The following CABYR variants were observed in gnomAD, a reference collection of about 807,000 sequenced individuals.
CABYR encodes the protein calcium-binding tyrosine phosphorylation-regulated protein.
Under a neutral mutation model 36.1 loss-of-function variants are expected in CABYR, and 31 were observed. The ratio of observed to expected loss-of-function variants is 0.86; its 90% CI spans 0.64 to 1.16. The LOEUF (loss-of-function observed/expected upper bound fraction) is 1.16. CABYR is among the 50% of genes most tolerant of loss of function. CABYR has a pLI of 0.00. For synonymous variants in CABYR, 146 were observed against 160.7 expected, an observed-to-expected ratio of 0.91 and a Z score of 0.69; for missense variants, 429 against 455.8, an observed-to-expected ratio of 0.94 and a Z score of 0.53.
chr18:24,150,612 C>T, intron 3 of CABYR: 1 of 974,584 alleles, frequency 1.0e-6, no homozygotes, highest in Non-Finnish European at 1.2e-6. Flanking sequence ...GAAACTAAAC[C>T]ACCTACTTTA....
chr18:24,157,051 A>G (rs1158119071), intron 4 of CABYR: 3 of 1,393,852 alleles, frequency 2.2e-6, no homozygotes, highest in Non-Finnish European at 3.0e-6. Context: ...TGACATCTGT[A>G]TTTCAGGTAG....
At position 24,156,314 on chromosome 18, in the gene CABYR, T is replaced by A. The variant is rs150107485; in HGVS notation, c.541+272T>A. The A allele has an allele frequency of 2.0e-3, 3,253 of 1,614,218 alleles. 16 individuals are homozygous for A. The Middle Eastern group carries it at 0.024, about 12-fold the overall frequency. ...CCTTGCAGGATGAACAAGAACCTCC[T>A]GCTTATGATCAAGCTCCTGAGGTCA... On this transcript the variant is annotated intron_variant, in intron 4 of 5. Coordinates refer to ENST00000399496, the MANE Select transcript of CABYR (RefSeq NM_153769.3).
chr18:24,160,351 A>G (rs894846345), intron 5 of CABYR: 4 of 377,266 alleles, frequency 1.1e-5, no homozygotes, highest in African/African-American at 6.3e-5. Flanking sequence ...CCATTGTCTA[A>G]CAAACACAGT....
chr18:24,150,158 A>G (rs918986032), intron 3 of CABYR, among the ~76,000 whole-genome samples: 3 of 152,248 alleles, frequency 2.0e-5, no homozygotes, highest in Non-Finnish European at 4.4e-5. Flanking sequence ...AGAAGAGGGA[A>G]GGACAAAGCC....
At chr18:24,146,197 G>T (rs993743244) in intron 3 of CABYR, among the ~76,000 whole-genome samples, 1 of 152,152 alleles carries the variant, frequency 6.6e-6, no homozygotes, top group African/African-American at 2.4e-5. Flanking sequence ...ATTTTGAAAA[G>T]ATGGAAAATA....
intron 3 of CABYR, among the ~76,000 whole-genome samples, chr18:24,150,881 G>A (rs1487533444): frequency 2.0e-5 from 3 of 150,574 alleles, no homozygotes; most frequent in African/African-American, 7.3e-5. Context: ...CCGGGTTCAC[G>A]CCATTCTCCT....
Position 24,156,001 on chromosome 18 carries a change from ACGTCCCAG to A in CABYR, c.502_509del (p.Val168Ter). On this transcript the variant is annotated frameshift_variant, in exon 4 of 6. Coordinates refer to ENST00000399496, the MANE Select transcript of CABYR (RefSeq NM_153769.3). LOFTEE classifies it high-confidence loss of function. The stretch of plus-strand genomic sequence containing the variant: ...ACAGCTGTCTCACCAGAGTTTGCCT[ACGTCCCAG>A]CTGACCCAGCTCAGCTTGCTGCTCA... 1 of 1,614,208 alleles carries A rather than the reference ACGTCCCAG, an allele frequency of 6.2e-7. No individual in the cohort carries two copies. The highest frequency in any genetic ancestry group is 8.5e-7 in the Non-Finnish European group (1 of 1,180,034).
At chr18:24,156,880 A>G (rs750636638) in intron 4 of CABYR, 14 of 1,613,990 alleles carry the variant, frequency 8.7e-6, no homozygotes, top group Non-Finnish European at 1.2e-5. Flanking sequence ...GAAGCAGTGC[A>G]CTCAGGTACA....
chr18:24,161,395 C>CTAGT, intron 5 of CABYR, 121 bp from the exon 6 acceptor site: 1 of 632,836 alleles, frequency 1.6e-6, no homozygotes, highest in Non-Finnish European at 2.9e-6. Flanking sequence ...CCATAGGTAA[C>CTAGT]TAGTTAAGCT....
chr18:24,149,430 T>C (rs2085551242), intron 3 of CABYR, among the ~76,000 whole-genome samples: 1 of 152,200 alleles, frequency 6.6e-6, no homozygotes. Context: ...TTACAATCCC[T>C]GGGCTAGACA....
intron 4 of CABYR, chr18:24,156,257 T>C (rs2085781974): frequency 6.2e-7 from 1 of 1,613,940 alleles, no homozygotes; most frequent in African/African-American, 1.3e-5. Flanking sequence ...CTAAAGAAAA[T>C]GAGGCTGAAC....
intron 3 of CABYR, among the ~76,000 whole-genome samples, chr18:24,153,859 C>T (rs2085700805): frequency 6.6e-6 from 1 of 152,044 alleles, no homozygotes. Flanking sequence ...AATCCCAGCA[C>T]TTTGGAAGGC....
chr18:24,153,460 G>GT (rs1294029265), intron 3 of CABYR, among the ~76,000 whole-genome samples: 1 of 152,180 alleles, frequency 6.6e-6, no homozygotes, highest in African/African-American at 2.4e-5. Flanking sequence ...GGAGTCCCAG[G>GT]TAATTCCAGA....
At chr18:24,150,815 C>T (rs1351905496) in intron 3 of CABYR, among the ~76,000 whole-genome samples, 2 of 142,036 alleles carry the variant, frequency 1.4e-5, no homozygotes, top group Admixed American at 7.3e-5. Flanking sequence ...GAGTCTCACT[C>T]TGGCCCCAGG....
intron 4 of CABYR, among the ~76,000 whole-genome samples, chr18:24,157,918 C>T (rs1449730634): frequency 1.3e-5 from 2 of 152,192 alleles, no homozygotes; most frequent in African/African-American, 4.8e-5. Context: ...AATCCTGACT[C>T]TTAACTGAGC....
chr18:24,151,729 G>A (rs1047918752), intron 3 of CABYR, among the ~76,000 whole-genome samples: 8 of 121,394 alleles, frequency 6.6e-5, no homozygotes, highest in Non-Finnish European at 1.3e-4. Flanking sequence ...TAGCTTTGTT[G>A]CCCAAGCTGG....
intron 3 of CABYR, among the ~76,000 whole-genome samples, chr18:24,144,366 G>A (rs2085406341): frequency 6.6e-6 from 1 of 152,178 alleles, no homozygotes; most frequent in South Asian, 2.1e-4. Flanking sequence ...ATGCTACAGA[G>A]TACTAAAAGG....
intron 3 of CABYR, among the ~76,000 whole-genome samples, chr18:24,155,236 G>A (rs2085747049): frequency 6.6e-6 from 1 of 152,074 alleles, no homozygotes; most frequent in Admixed American, 6.5e-5. Context: ...GAGGTTTTCA[G>A]CTTCCTTAGT....
chr18:24,157,629 C>T (rs1007150251), intron 4 of CABYR, among the ~76,000 whole-genome samples: 8 of 152,116 alleles, frequency 5.3e-5, no homozygotes, highest in Non-Finnish European at 1.5e-5. Flanking sequence ...CCGGCACTTG[C>T]GGCACTTGAA....
Sources: gnomAD v4.1 joint callset for allele counts (sites outside exome capture counted in the v4.1 genomes callset) on GRCh38, gnomAD v4.1.1 for gene constraint, MANE v1.5 for transcripts, NCBI Gene and HGNC (gene_info 2026-07-23, HGNC 2026-07-21) for gene names.